Variants in ARHGAP29 observed in about 807,000 individuals in gnomAD.
The protein encoded by ARHGAP29 is Rho GTPase activating protein 29.
ARHGAP29 carries 43 observed loss-of-function variants against 122.6 expected under a neutral mutation model. That is an observed-to-expected ratio of 0.35 (90% CI 0.27 to 0.45). ARHGAP29 has a LOEUF of 0.45. ARHGAP29 is among the 20% of genes least tolerant of loss of function. The pLI, the probability that ARHGAP29 is intolerant of heterozygous loss-of-function variation, is 1.00. For synonymous variants in ARHGAP29, 506 were observed against 497.1 expected (o/e 1.02, Z -0.24); for missense variants, 1,303 against 1,477.2 (o/e 0.88, Z 1.93).
At chr1:94,209,470 G>C (rs1442685929) in intron 3 of ARHGAP29, 120 bp from the exon 4 acceptor site, 1 of 557,622 alleles carries the variant, frequency 1.8e-6, no homozygotes, top group East Asian at 3.4e-5. Flanking sequence ...TTCAGAAATT[G>C]AAAAGCCTAA....
In ARHGAP29 at chr1:94,203,204, T is replaced by G. The variant is rs1181867971; in HGVS notation, c.769A>C (p.Met257Leu). 2 of 1,595,450 alleles carry G rather than the reference T, an allele frequency of 1.3e-6. No individual in the cohort carries two copies. Among genetic ancestry groups the G allele is most frequent in the Non-Finnish European group, 1.7e-6 (2 of 1,173,594 alleles). ...TRTNIGIQEF[M>L]PLQSLFTNAL... ...TTAGTAAACAGAGACTGCAGTGGCA[T>G]GAACTCCTAAAATTTAAAATTGAAA... The change falls in exon 9 of 23, where the codon ATG (methionine) becomes CTG (leucine). Residue 257 changes from methionine to leucine, a missense_variant. Transcript: ENST00000260526.
intron 22 of ARHGAP29, 59 bp downstream of exon 22, chr1:94,177,553 G>T: frequency 2.2e-6 from 3 of 1,349,012 alleles, no homozygotes; most frequent in African/African-American, 1.5e-5. Context: ...TTTTAATCAC[G>T]GTTCTACTGG....
chr1:94,278,529 G>T (rs1483771960), upstream of ARHGAP29, among the ~76,000 whole-genome samples: 1 of 152,124 alleles, frequency 6.6e-6, no homozygotes, highest in Admixed American at 6.5e-5. Context: ...ATTTTACCAA[G>T]GTTACACAAT....
intron 4 of ARHGAP29, 37 bp downstream of exon 4, chr1:94,209,217 T>C: frequency 1.4e-6 from 2 of 1,404,496 alleles, no homozygotes; most frequent in Non-Finnish European, 2.0e-6. Flanking sequence ...CTAAGACACC[T>C]AGGACTAGTT....
Position 94,203,154 on chromosome 1 carries a change from G to T in ARHGAP29, c.819C>A (p.Ser273Arg). The change falls in exon 9 of 23, where the codon AGC becomes AGA. Residue 273 changes from serine (S) to arginine (R), a missense_variant. Physicochemically the swap from Ser to Arg is moderately radical, Grantham distance 110 (BLOSUM62 -1). Transcript: ENST00000260526. ...FTNALLNDIE[S>R]SHLLQQTIAA... Reference sequence around the variant, plus strand: ...CAATTGTTTGTTGTAAAAGGTGACTGCTTTCTATATCATTAAGAAGAGCAT... The same window carrying T: ...CAATTGTTTGTTGTAAAAGGTGACTTCTTTCTATATCATTAAGAAGAGCAT... 1 of 1,613,464 alleles carries T rather than the reference G, an allele frequency of 6.2e-7. No homozygotes were observed. The highest frequency in any genetic ancestry group is 8.5e-7 in the Non-Finnish European group (1 of 1,179,776).
chr1:94,308,747 C>T, the ARHGAP29 span, among the ~76,000 whole-genome samples: 1 of 152,186 alleles, frequency 6.6e-6, no homozygotes, highest in Non-Finnish European at 1.5e-5. Context: ...CACCTTCTAC[C>T]TTTCACTTCC....
At chr1:94,252,800 A>G (rs1420959279) in intron 1 of ARHGAP29, among the ~76,000 whole-genome samples, 4 of 151,948 alleles carry the variant, frequency 2.6e-5, no homozygotes, top group South Asian at 4.1e-4. Context: ...TTTTTCTTTC[A>G]TCGATTCACC....
rs538596513 is a variant in ARHGAP29, at chr1:94,186,700, G to A, written c.1682-103C>T. Reference sequence around the variant, plus strand: ...AATAACACGTCATACTATTTTATTAGCTTCAATGTAAAAATTTGCTTCTAT... The same window carrying A: ...AATAACACGTCATACTATTTTATTAACTTCAATGTAAAAATTTGCTTCTAT... On this transcript the variant is annotated intron_variant, in intron 15 of 22. Transcript: ENST00000260526. The A allele has an allele frequency of 8.3e-6, 7 of 846,366 alleles. No individual in the cohort carries two copies. The East Asian group carries it at 1.6e-4, about 19-fold the overall frequency. 52.4% of individuals were successfully genotyped at this position (846,366 alleles called of 1,614,324 possible).
intron 12 of ARHGAP29, chr1:94,190,977 A>G (rs34105118): frequency 0.042 from 6,401 of 152,218 alleles, 172 homozygotes; most frequent in Non-Finnish European, 0.064. Flanking sequence ...TAACATTTGA[A>G]CTGCGAGCCG....
At chr1:94,218,462 G>A (rs964757716) in intron 3 of ARHGAP29, among the ~76,000 whole-genome samples, 2 of 152,178 alleles carry the variant, frequency 1.3e-5, no homozygotes, top group African/African-American at 4.8e-5. Context: ...GTTTGTTTCT[G>A]GAATGTGGAC....
intron 1 of ARHGAP29, among the ~76,000 whole-genome samples, chr1:94,233,969 T>C (rs973278196): frequency 1.3e-5 from 2 of 152,216 alleles, no homozygotes; most frequent in Non-Finnish European, 2.9e-5. Flanking sequence ...TTGCCTGGAA[T>C]ATTCCTTCTC....
upstream of ARHGAP29, among the ~76,000 whole-genome samples, chr1:94,278,246 G>A (rs1265817184): frequency 1.3e-5 from 2 of 152,154 alleles, no homozygotes; most frequent in African/African-American, 2.4e-5. Context: ...TTCAGCCCAT[G>A]AGTTGGAGTT....
chr1:94,268,848 T>A (rs1268113615), intron 1 of ARHGAP29, among the ~76,000 whole-genome samples: 2 of 152,154 alleles, frequency 1.3e-5, no homozygotes, highest in Non-Finnish European at 2.9e-5. Context: ...GACAAATCCC[T>A]GAGCCATTAA....
the ARHGAP29 span, among the ~76,000 whole-genome samples, chr1:94,297,732 G>T: frequency 6.6e-6 from 1 of 152,160 alleles, no homozygotes; most frequent in Non-Finnish European, 1.5e-5. Context: ...TCAGGAACTT[G>T]GGGGTTCTTG....
At chr1:94,310,589 CT>C in the ARHGAP29 span, among the ~76,000 whole-genome samples, 1 of 152,192 alleles carries the variant, frequency 6.6e-6, no homozygotes, top group Non-Finnish European at 1.5e-5. Context: ...CAGCACAATC[CT>C]TTTAAAACCT....
intron 19 of ARHGAP29, among the ~76,000 whole-genome samples, chr1:94,182,544 AAGCTTTC>A (rs1649543578): frequency 6.6e-6 from 1 of 152,178 alleles, no homozygotes; most frequent in Non-Finnish European, 1.5e-5. Flanking sequence ...AAGATTCCAC[AAGCTTTC>A]AGAGACAAAA....
intron 1 of ARHGAP29, among the ~76,000 whole-genome samples, chr1:94,270,328 AC>A (rs1654938112): frequency 6.6e-6 from 1 of 152,220 alleles, no homozygotes; most frequent in South Asian, 2.1e-4. Context: ...ATTAGGAAGC[AC>A]AGAGTCTGAT....
intron 1 of ARHGAP29, among the ~76,000 whole-genome samples, chr1:94,242,671 TAAAA>T (rs1209275316): frequency 8.9e-6 from 1 of 112,402 alleles, no homozygotes; most frequent in Non-Finnish European, 1.9e-5. Flanking sequence ...ATGGAACAAA[TAAAA>T]AAACAAACAG....
At chr1:94,274,475 T>A (rs1229542781) in intron 1 of ARHGAP29, among the ~76,000 whole-genome samples, 1 of 152,210 alleles carries the variant, frequency 6.6e-6, no homozygotes, top group African/African-American at 2.4e-5. Flanking sequence ...TGAATCTAAC[T>A]AAGCTACAAA....
Sources: allele counts gnomAD v4.1 joint callset (sites outside exome capture counted in the v4.1 genomes callset), GRCh38; gene constraint gnomAD v4.1.1; transcripts MANE v1.5; gene names NCBI Gene and HGNC (gene_info 2026-07-23, HGNC 2026-07-21).